The following DNMBP variants were observed in gnomAD, a reference collection of about 807,000 sequenced individuals.
DNMBP encodes dynamin-binding protein.
A neutral mutation model predicts 150.0 loss-of-function variants in DNMBP; 87 were observed. That is an observed-to-expected ratio of 0.58 (90% CI 0.49 to 0.69). The LOEUF is 0.69. Ranked by LOEUF, DNMBP falls within the 30% of genes least tolerant of loss-of-function variation. DNMBP has a pLI of 0.00. For missense variants in DNMBP, 1,774 were observed against 1,949.0 expected, an observed-to-expected ratio of 0.91 and a Z score of 1.69; for synonymous variants, 711 against 750.4, an observed-to-expected ratio of 0.95 and a Z score of 0.86.
At chr10:99,975,995 CAG>C (rs1391242080) in intron 1 of DNMBP, among the ~76,000 whole-genome samples, 3 of 152,134 alleles carry the variant, frequency 2.0e-5, no homozygotes, top group Non-Finnish European at 2.9e-5. Flanking sequence ...GACACGGGAT[CAG>C]AGAGATGATA....
At chr10:99,879,522 A>G (rs1036779982) in intron 16 of DNMBP, among the ~76,000 whole-genome samples, 1 of 152,234 alleles carries the variant, frequency 6.6e-6, no homozygotes, top group Non-Finnish European at 1.5e-5. Context: ...TGGATGTTAT[A>G]CAACTGAAGA....
intron 1 of DNMBP, among the ~76,000 whole-genome samples, chr10:99,986,111 T>C (rs2040824766): frequency 6.6e-6 from 1 of 152,220 alleles, no homozygotes; most frequent in Non-Finnish European, 1.5e-5. Context: ...GATATACATC[T>C]TTCTTATCCA....
chr10:99,980,795 C>T (rs1261470788), intron 1 of DNMBP, among the ~76,000 whole-genome samples: 3 of 151,996 alleles, frequency 2.0e-5, no homozygotes, highest in South Asian at 2.1e-4. Context: ...CAGAGTGAGA[C>T]CCTGTCTTAA....
chr10:99,998,579 CAAAAAAAAAA>C (rs71009799), intron 1 of DNMBP, among the ~76,000 whole-genome samples: 3 of 93,248 alleles, frequency 3.2e-5, no homozygotes, highest in Non-Finnish European at 4.4e-5. Context: ...GACTCCGTCT[CAAAAAAAAAA>C]AAAAAAAAAG....
chr10:99,946,876 G>GA (rs1291544798), intron 4 of DNMBP, among the ~76,000 whole-genome samples: 10 of 151,104 alleles, frequency 6.6e-5, no homozygotes, highest in Admixed American at 4.6e-4. Context: ...AACTTAACAA[G>GA]AAAAAAAACA....
chr10:99,934,014 G>C (rs1435924713), intron 4 of DNMBP, among the ~76,000 whole-genome samples: 1 of 152,216 alleles, frequency 6.6e-6, no homozygotes, highest in Non-Finnish European at 1.5e-5. Context: ...GGGATTACAG[G>C]CGTGAGCCAC....
At chr10:99,941,122 T>C (rs2040294831) in intron 4 of DNMBP, among the ~76,000 whole-genome samples, 1 of 152,134 alleles carries the variant, frequency 6.6e-6, no homozygotes, top group Admixed American at 6.5e-5. Context: ...TGACCTCAAG[T>C]GCTCCGCCCG....
At chr10:99,907,696 G>A (rs1181540360) in intron 6 of DNMBP, among the ~76,000 whole-genome samples, 1 of 152,072 alleles carries the variant, frequency 6.6e-6, no homozygotes, top group Non-Finnish European at 1.5e-5. Context: ...GTGCCTGGCC[G>A]CATTCTGGTA....
rs2133222274 is a variant in DNMBP at position 99,896,322 on chromosome 10, T to C, written c.2996A>G (p.Lys999Arg). ...ISKLNIHSIIKKSNRVSSHLK... is the reference protein window; with the variant it reads ...ISKLNIHSIIRKSNRVSSHLK... The stretch of plus-strand genomic sequence containing the variant: ...GTGACTGCTAACTCGGTTGGATTTC[T>C]TGATGATGGAGTGGATGTTCAGTTT... Residue 999 changes from lysine (K) to arginine (R), a missense_variant, in exon 10 of 17, where the codon AAG becomes AGG. Physicochemically the swap from Lys to Arg is conservative, Grantham distance 26 (BLOSUM62 2). Coordinates refer to ENST00000324109, the MANE Select transcript of DNMBP (RefSeq NM_015221.4). 6.2e-7 allele frequency: 1 copy of C among 1,614,206 alleles called. No homozygotes were observed. The highest frequency in any genetic ancestry group is 1.6e-4 in the Middle Eastern group (1 of 6,062).
chr10:99,927,352 G>T (rs1589422179), intron 4 of DNMBP: 1 of 152,164 alleles, frequency 6.6e-6, no homozygotes, highest in Non-Finnish European at 1.5e-5. Flanking sequence ...AAAACACAAA[G>T]AAATGGCCAT....
intron 10 of DNMBP, among the ~76,000 whole-genome samples, chr10:99,895,964 C>T (rs2133221643): frequency 6.6e-6 from 1 of 152,274 alleles, no homozygotes; most frequent in East Asian, 1.9e-4. Context: ...CATCATGTAT[C>T]CAACTAGGTG....
intron 4 of DNMBP, among the ~76,000 whole-genome samples, chr10:99,937,877 C>T (rs1222185624): frequency 6.6e-6 from 1 of 152,174 alleles, no homozygotes; most frequent in Non-Finnish European, 1.5e-5. Context: ...CAGCTTTCAC[C>T]ACAAGTTAAA....
chr10:99,883,887 T>C (rs1253289050), intron 15 of DNMBP, 124 bp downstream of exon 15: 1 of 797,974 alleles, frequency 1.3e-6, no homozygotes, highest in African/African-American at 1.7e-5. Flanking sequence ...ATTTTTCAGG[T>C]TATTTTTCCC....
At chr10:99,994,946 C>T (rs144971516) in intron 1 of DNMBP, among the ~76,000 whole-genome samples, 2 of 152,212 alleles carry the variant, frequency 1.3e-5, no homozygotes, top group Non-Finnish European at 2.9e-5. Flanking sequence ...TTTAAAGAGA[C>T]AGGGTCTTGC....
chr10:99,974,529 G>A (rs2040708442), intron 1 of DNMBP, among the ~76,000 whole-genome samples: 1 of 152,090 alleles, frequency 6.6e-6, no homozygotes, highest in Non-Finnish European at 1.5e-5. Flanking sequence ...TTTTAGAGAT[G>A]GGGTCTTGCT....
intron 4 of DNMBP, among the ~76,000 whole-genome samples, chr10:99,937,390 G>A (rs1478543235): frequency 6.6e-6 from 1 of 152,092 alleles, no homozygotes; most frequent in Non-Finnish European, 1.5e-5. Flanking sequence ...ACCCTCCAAG[G>A]AGGGTATTTA....
Position 99,969,176 on chromosome 10 carries a change from C to G in DNMBP, c.207G>C (p.Arg69Ser). Reference sequence around the variant, plus strand: ...TGAATTCACAAATGCACACAAACAGCCTCTCTCCCTCTTTTAGACTGGGAA... The same window carrying G: ...TGAATTCACAAATGCACACAAACAGGCTCTCTCCCTCTTTTAGACTGGGAA... Reference protein sequence around the residue: ...VTIPSLKEGERLFVCICEFTS... With the variant: ...VTIPSLKEGESLFVCICEFTS... Residue 69 changes from arginine (R) to serine (S), a missense_variant, in exon 3 of 17, where the codon AGG becomes AGC. Physicochemically the swap from Arg to Ser is moderately radical, Grantham distance 110 (BLOSUM62 -1). This residue lies in a region of DNMBP where 344 missense variants were observed against 456.6 expected (regional missense o/e 0.75). Transcript: ENST00000324109. The G allele has an allele frequency of 6.2e-7, 1 of 1,613,988 alleles. No individual in the cohort carries two copies. The highest frequency in any genetic ancestry group is 1.1e-5 in the South Asian group (1 of 91,078).
At chr10:99,943,526 C>T (rs1462782115) in intron 4 of DNMBP, among the ~76,000 whole-genome samples, 2 of 152,074 alleles carry the variant, frequency 1.3e-5, no homozygotes, top group African/African-American at 4.8e-5. Flanking sequence ...CCTCAGTCTC[C>T]CTAGTAGCTG....
chr10:99,877,271 C>T lies in DNMBP; in HGVS notation c.4614G>A (p.Gln1538=), dbSNP rs766961672. ...NPNELSVSAN[Q]KLKILEFKDV... Reference sequence around the variant, plus strand: ...CTTTAAACTCGAGGATCTTGAGTTTCTGATTGGCTGACACGCTCAGCTCAT... The same window carrying T: ...CTTTAAACTCGAGGATCTTGAGTTTTTGATTGGCTGACACGCTCAGCTCAT... Residue 1538 remains glutamine (Q), a synonymous_variant, in exon 17 of 17, where the codon CAG becomes CAA. Coordinates refer to ENST00000324109, the MANE Select transcript of DNMBP (RefSeq NM_015221.4). 6.2e-7 allele frequency: 1 copy of T among 1,613,942 alleles called. No individual in the cohort carries two copies. Among genetic ancestry groups the T allele is most frequent in the East Asian group, 2.2e-5 (1 of 44,868 alleles).
Sources: gnomAD v4.1 joint callset for allele counts (sites outside exome capture counted in the v4.1 genomes callset) on GRCh38, gnomAD v4.1.1 for gene constraint, gnomAD v4.1.1 regional missense constraint, MANE v1.5 for transcripts, NCBI Gene and HGNC (gene_info 2026-07-23, HGNC 2026-07-21) for gene names.